Variants in PXDC1 observed in about 807,000 individuals in gnomAD.
The protein encoded by PXDC1 is PX domain-containing protein 1.
Under a neutral mutation model 24.4 loss-of-function variants are expected in PXDC1, and 13 were observed. The ratio of observed to expected loss-of-function variants is 0.53; its 90% CI spans 0.35 to 0.85. The LOEUF (loss-of-function observed/expected upper bound fraction) is 0.85. Among genes scored for constraint, PXDC1 ranks in the 40% least tolerant of loss-of-function variants. The pLI is 0.01. For missense variants in PXDC1, 344 were observed against 309.3 expected, an observed-to-expected ratio of 1.11 and a Z score of -0.84; for synonymous variants, 162 against 124.9, an observed-to-expected ratio of 1.30 and a Z score of -1.98.
intron 1 of PXDC1, 157 bp downstream of exon 1, chr6:3,751,119 G>C (rs1760704438): frequency 1.8e-6 from 1 of 565,440 alleles, no homozygotes; most frequent in Non-Finnish European, 2.9e-6. Flanking sequence ...CCGCCGCCCG[G>C]GCACCCCTCG....
chr6:3,740,453 A>G (rs890668011), intron 1 of PXDC1, among the ~76,000 whole-genome samples: 1 of 152,264 alleles, frequency 6.6e-6, no homozygotes, highest in Non-Finnish European at 1.5e-5. Context: ...TTGCTGTTTG[A>G]CATTCAAACT....
At chr6:3,738,011 A>AGCACCTC (rs771765498) in intron 2 of PXDC1, 46 bp downstream of exon 2, 1 of 1,472,144 alleles carries the variant, frequency 6.8e-7, no homozygotes, top group Admixed American at 1.7e-5. Context: ...GGGAGGTGCC[A>AGCACCTC]GCACCTCCCA....
chr6:3,730,428 C>A lies in PXDC1; in HGVS notation c.467-2766G>T, dbSNP rs149211330. ...GCCAGGTGAAAATGGAGCACAGATTCTCTAACAGTTTACATTTTTATTTAC... is the reference window on the plus strand; with the variant it reads ...GCCAGGTGAAAATGGAGCACAGATTATCTAACAGTTTACATTTTTATTTAC... On this transcript the variant is annotated intron_variant, in intron 3 of 4. Transcript: ENST00000380283. 2.6e-3 allele frequency among the ~76,000 whole-genome samples: 399 copies of A among 152,174 alleles called. 2 individuals carry two copies. The highest frequency in any genetic ancestry group is 9.1e-3 in the African/African-American group (379 of 41,498).
chr6:3,726,868 C>T (rs1294864209), intron 4 of PXDC1, among the ~76,000 whole-genome samples: 1 of 152,230 alleles, frequency 6.6e-6, no homozygotes. Context: ...GGTGGGACAG[C>T]AGAATGGTCC....
chr6:3,729,507 G>A (rs902480613), intron 3 of PXDC1, among the ~76,000 whole-genome samples: 1 of 152,158 alleles, frequency 6.6e-6, no homozygotes, highest in African/African-American at 2.4e-5. Flanking sequence ...TGCAGGTCCT[G>A]AGAAGGAGCT....
intron 1 of PXDC1, among the ~76,000 whole-genome samples, chr6:3,746,818 G>A (rs1011435944): frequency 4.6e-5 from 7 of 152,070 alleles, no homozygotes; most frequent in African/African-American, 9.7e-5. Context: ...CTGTCCACCC[G>A]AGAACAGCAT....
chr6:3,735,515 G>A (rs1388173859), intron 3 of PXDC1, among the ~76,000 whole-genome samples: 1 of 152,318 alleles, frequency 6.6e-6, no homozygotes, highest in East Asian at 1.9e-4. Context: ...GGCACAGAAA[G>A]ACAAATGTCA....
At chr6:3,733,446 A>G (rs575492687) in intron 3 of PXDC1, among the ~76,000 whole-genome samples, 12 of 152,276 alleles carry the variant, frequency 7.9e-5, no homozygotes, top group African/African-American at 2.9e-4. Flanking sequence ...GCGTGGGTGT[A>G]CCGCCTCGCC....
At chr6:3,749,189 C>T (rs1760641115) in intron 1 of PXDC1, among the ~76,000 whole-genome samples, 1 of 151,870 alleles carries the variant, frequency 6.6e-6, no homozygotes, top group Admixed American at 6.6e-5. Flanking sequence ...CCAGGCTCCC[C>T]TCTTCACCCC....
chr6:3,735,269 G>C (rs1159984335), intron 3 of PXDC1, among the ~76,000 whole-genome samples: 2 of 152,122 alleles, frequency 1.3e-5, no homozygotes, highest in Non-Finnish European at 1.5e-5. Flanking sequence ...TAGACCAATG[G>C]AACAGAATAG....
chr6:3,724,148 G>C lies in PXDC1; in HGVS notation c.579-412C>G, dbSNP rs941132383. On this transcript the variant is annotated intron_variant, in intron 4 of 4. Transcript: ENST00000380283. The surrounding 1 kb of genome is among the most constrained non-coding windows in gnomAD (Gnocchi z 4.5). The stretch of plus-strand genomic sequence containing the variant: ...AGGAGTGGTCACGAGCTCACAGCCT[G>C]ACCGCAGCAGAGATGACACACGGAC... 6.6e-6 allele frequency among the ~76,000 whole-genome samples: 1 copy of C among 152,146 alleles called. No homozygotes were observed. Among genetic ancestry groups the C allele is most frequent in the Non-Finnish European group, 1.5e-5 (1 of 68,026 alleles).
chr6:3,727,764 T>G (rs539802872), intron 3 of PXDC1, 102 bp from the exon 4 acceptor site: 1 of 734,912 alleles, frequency 1.4e-6, no homozygotes, highest in East Asian at 2.6e-5. Context: ...CTCCACCTGT[T>G]GCCCGTGCCT....
intron 4 of PXDC1, among the ~76,000 whole-genome samples, chr6:3,726,035 G>A (rs920311005): frequency 2.6e-5 from 4 of 152,148 alleles, no homozygotes; most frequent in Non-Finnish European, 5.9e-5. Context: ...TCTTCCCTCC[G>A]TGTGTTTCTC....
Position 3,738,102 on chromosome 6 carries a change from A to G in PXDC1, c.303T>C (p.Asn101=), listed in dbSNP as rs749352780. The G allele has an allele frequency of 1.9e-5, 30 of 1,613,902 alleles. No homozygotes were observed. The South Asian group carries it at 3.3e-4, about 18-fold the overall frequency. The stretch of plus-strand genomic sequence containing the variant: ...TCGTCTTCAGCAGCTTCTCCACCTC[A>G]TTAAGCCTGGTCTCTATGTCGTGGG... The part of the protein sequence containing the change: ...KEAHDIETRL[N]EVEKLLKTII... Residue 101 remains asparagine (N), a synonymous_variant, in exon 2 of 5, where the codon AAT becomes AAC. Transcript: ENST00000380283.
chr6:3,737,262 A>T lies in PXDC1; in HGVS notation c.349-66T>A. 8.9e-7 allele frequency: 1 copy of T among 1,119,494 alleles called. No homozygotes were observed. Among genetic ancestry groups the T allele is most frequent in the South Asian group, 1.3e-5 (1 of 78,578 alleles). The allele number at this position is 1,119,494 out of a possible 1,614,324, so 69.3% of individuals were successfully genotyped here. On this transcript the variant is annotated intron_variant, in intron 2 of 4. Coordinates refer to ENST00000380283, the MANE Select transcript of PXDC1 (RefSeq NM_183373.4). This position sits in a 1 kb window ranked among gnomAD's most constrained non-coding sequence, Gnocchi z 5.5. Reference sequence around the variant, plus strand: ...TACACGTTGGCCCTGTCTGTCTACCAAGAGAGGGCCCCGCTCCTCCGCAGA... The same window carrying T: ...TACACGTTGGCCCTGTCTGTCTACCTAGAGAGGGCCCCGCTCCTCCGCAGA...
At chr6:3,738,579 C>T (rs931697346) in intron 1 of PXDC1, among the ~76,000 whole-genome samples, 4 of 152,202 alleles carry the variant, frequency 2.6e-5, no homozygotes, top group Admixed American at 6.5e-5. Context: ...CTGCTGGCCA[C>T]GGCTGCTCAG....
In PXDC1 at chr6:3,740,911, G is replaced by A. The variant is rs1288139309; in HGVS notation, c.257-2763C>T. ...CCCAGAGACTAGTGAGAGTCATAGGGCAGGAGGCACCTTAGGCTCATCTCC... is the reference window on the plus strand; with the variant it reads ...CCCAGAGACTAGTGAGAGTCATAGGACAGGAGGCACCTTAGGCTCATCTCC... On this transcript the variant is annotated intron_variant, in intron 1 of 4. Coordinates refer to ENST00000380283, the MANE Select transcript of PXDC1 (RefSeq NM_183373.4). 2.6e-5 allele frequency among the ~76,000 whole-genome samples: 4 copies of A among 152,276 alleles called. No homozygotes were observed. In the East Asian group the frequency reaches 5.8e-4, roughly 22 times the overall value.
intron 1 of PXDC1, among the ~76,000 whole-genome samples, chr6:3,745,975 C>T (rs1760561654): frequency 6.6e-6 from 1 of 152,198 alleles, no homozygotes; most frequent in Admixed American, 6.5e-5. Context: ...AGAGGGGGCA[C>T]AGCTAGAGGT....
rs9378382 is a variant in PXDC1, at chr6:3,725,699, C to A, written c.578+1852G>T. Among the ~76,000 whole-genome samples the A allele has an allele frequency of 6.6e-6, 1 of 151,920 alleles. No individual in the cohort carries two copies. Among genetic ancestry groups the A allele is most frequent in the African/African-American group, 2.4e-5 (1 of 41,402 alleles). ...TGTCTGTGCTCTTGGTCGCTGTCAA[C>A]CCCCCACCCGACAGCCGGTGCCGTG... On this transcript the variant is annotated intron_variant, in intron 4 of 4. Coordinates refer to ENST00000380283, the MANE Select transcript of PXDC1 (RefSeq NM_183373.4). The surrounding 1 kb of genome is among the most constrained non-coding windows in gnomAD (Gnocchi z 4.8).
Sources: gnomAD v4.1 joint callset for allele counts (sites outside exome capture counted in the v4.1 genomes callset) on GRCh38, gnomAD v4.1.1 for gene constraint, Gnocchi (gnomAD v3.1) non-coding constraint, MANE v1.5 for transcripts, NCBI Gene and HGNC (gene_info 2026-07-23, HGNC 2026-07-21) for gene names.